HSPG2: variants seen among roughly 807,000 people sequenced by gnomAD.
HSPG2 encodes heparan sulfate proteoglycan 2.
Under a neutral mutation model 526.6 loss-of-function variants are expected in HSPG2, and 278 were observed. The ratio of observed to expected loss-of-function variants is 0.53; its 90% CI spans 0.48 to 0.58. The LOEUF (loss-of-function observed/expected upper bound fraction) is 0.58, where lower values mean the gene tolerates loss of function less well. Ranked by LOEUF, HSPG2 falls within the 20% of genes least tolerant of loss-of-function variation. The probability of loss-of-function intolerance (pLI) is 0.00; values close to 1 mark genes in which losing one functional copy is unlikely to be tolerated. For synonymous variants in HSPG2, 2,465 were observed against 2,555.4 expected, an observed-to-expected ratio of 0.96 and a Z score of 1.07; for missense variants, 5,354 against 6,099.5, an observed-to-expected ratio of 0.88 and a Z score of 4.07.
chr1:21,831,741 C>T lies in HSPG2; in HGVS notation c.11263G>A (p.Gly3755Ser), dbSNP rs1304220249. ...TIRHPTPLAL[G>S]HFHTVTLLRS... The stretch of plus-strand genomic sequence containing the variant: ...AGCAGGGTCACGGTGTGGAAATGGC[C>T]CAGGGCCAGTGGTGTGGGATGGCGG... Residue 3755 changes from glycine (G) to serine (S), a missense_variant, in exon 82 of 97, where the codon GGC becomes AGC. By Grantham distance (56) the Gly-to-Ser change is moderately conservative. Coordinates refer to ENST00000374695, the MANE Select transcript of HSPG2 (RefSeq NM_005529.7). The T allele has an allele frequency of 6.2e-7, 1 of 1,606,384 alleles. No homozygotes were observed. The highest frequency in any genetic ancestry group is 1.1e-5 in the South Asian group (1 of 90,174).
At chr1:21,834,040 C>G (rs1408147488) in intron 77 of HSPG2, 115 bp from the exon 78 acceptor site, 2 of 767,280 alleles carry the variant, frequency 2.6e-6, no homozygotes, top group African/African-American at 3.4e-5. Context: ...CCACTACATT[C>G]CATTTCACAG....
At position 21,823,706 on chromosome 1, in the gene HSPG2, C is replaced by T. The variant is rs1250006658; in HGVS notation, c.12913G>A (p.Gly4305Ser). The change falls in exon 96 of 97, where the codon GGT (glycine) becomes AGT (serine). Residue 4305 changes from glycine to serine, a missense_variant. Coordinates refer to ENST00000374695, the MANE Select transcript of HSPG2 (RefSeq NM_005529.7). The part of the protein sequence containing the change: ...RVTALREGRR[G>S]SIQVDGEELV... ...TCCTCACCGTCGACTTGGATGGAAC[C>T]TCTGCGGCCCTCCCTGCAGTGGAAC... 9.9e-6 allele frequency: 16 copies of T among 1,613,478 alleles called. No individual in the cohort carries two copies. The highest frequency in any genetic ancestry group is 6.7e-5 in the East Asian group (3 of 44,888).
At chr1:21,854,115 C>A in intron 50 of HSPG2, 78 bp downstream of exon 50, 1 of 1,451,598 alleles carries the variant, frequency 6.9e-7, no homozygotes, top group Non-Finnish European at 9.3e-7. Flanking sequence ...CTGTCCTGGT[C>A]CCACTGAAGA....
In HSPG2 at chr1:21,854,222, C is replaced by T. The variant is rs1484383554; in HGVS notation, c.6410G>A (p.Gly2137Asp). 6.3e-7 allele frequency: 1 copy of T among 1,594,824 alleles called. No homozygotes were observed. The highest frequency in any genetic ancestry group is 1.7e-5 in the Admixed American group (1 of 57,970). The change falls in exon 50 of 97, where the codon GGC becomes GAC. Residue 2137 changes from glycine to aspartate, a missense_variant. Transcript: ENST00000374695. ...EASITVSVLH[G>D]THSGPSYTPV... Reference sequence around the variant, plus strand: ...GGTGTAGCTGGGGCCAGAATGGGTGCCGTGGAGCACAGACACAGTAATGGA... The same window carrying T: ...GGTGTAGCTGGGGCCAGAATGGGTGTCGTGGAGCACAGACACAGTAATGGA...
In HSPG2 at chr1:21,880,104, C is replaced by T. The variant is rs755043449; in HGVS notation, c.2343+3G>A. 2.5e-5 allele frequency: 41 copies of T among 1,614,026 alleles called. No homozygotes were observed. The highest frequency in any genetic ancestry group is 3.4e-5 in the Non-Finnish European group (40 of 1,180,050). On this transcript the variant is annotated splice_donor_region_variant and intron_variant, in intron 17 of 96. Transcript: ENST00000374695. ...TGTTCAAGTGTCTGCTGGCACTACTCACCAGGCAGTGGCCATACACAGGGT... is the reference window on the plus strand; with the variant it reads ...TGTTCAAGTGTCTGCTGGCACTACTTACCAGGCAGTGGCCATACACAGGGT...
rs371799737 is a variant in HSPG2 at position 21,855,895 on chromosome 1, C to T, written c.5593G>A (p.Ala1865Thr). The T allele has an allele frequency of 5.2e-5, 83 of 1,610,622 alleles. No homozygotes were observed. The highest frequency in any genetic ancestry group is 6.2e-5 in the Non-Finnish European group (73 of 1,179,970). The change falls in exon 45 of 97, where the codon GCC (alanine) becomes ACC (threonine). Residue 1865 changes from alanine (A) to threonine (T), a missense_variant. Ala to Thr is a moderately conservative substitution (Grantham distance 58, BLOSUM62 0). Coordinates refer to ENST00000374695, the MANE Select transcript of HSPG2 (RefSeq NM_005529.7). The stretch of plus-strand genomic sequence containing the variant: ...GGCGGATGGATGGAGACCACGGGGG[C>T]GGACAAGGTGCCCGAGGCTGACAAG... Reference protein sequence around the residue: ...LHVQASGTLSAPVVSIHPPQL... With the variant: ...LHVQASGTLSTPVVSIHPPQL...
In HSPG2 at chr1:21,824,360, C is replaced by G; in HGVS notation, c.12761G>C (p.Gly4254Ala). ...LWQGVEVGEAGQGKDFISLGL... is the reference protein window; with the variant it reads ...LWQGVEVGEAAQGKDFISLGL... Reference sequence around the variant, plus strand: ...GAGGCTGATGAAGTCCTTGCCTTGGCCGGCCTCTCCCACCTCCTGCCAGGG... The same window carrying G: ...GAGGCTGATGAAGTCCTTGCCTTGGGCGGCCTCTCCCACCTCCTGCCAGGG... The change falls in exon 94 of 97, where the codon GGC becomes GCC. Residue 4254 changes from glycine to alanine, a missense_variant. Coordinates refer to ENST00000374695, the MANE Select transcript of HSPG2 (RefSeq NM_005529.7). The surrounding 1 kb of genome is among the most constrained non-coding windows in gnomAD (Gnocchi z 5.9). 6.2e-7 allele frequency: 1 copy of G among 1,613,856 alleles called. No homozygotes were observed. Among genetic ancestry groups the G allele is most frequent in the Non-Finnish European group, 8.5e-7 (1 of 1,180,008 alleles).
intron 91 of HSPG2, among the ~76,000 whole-genome samples, chr1:21,826,754 C>T (rs2097976802): frequency 6.6e-6 from 1 of 152,136 alleles, no homozygotes; most frequent in Admixed American, 6.5e-5. Flanking sequence ...GGTGATCTGC[C>T]CGCTTCAGCT....
Position 21,847,843 on chromosome 1 carries a change from G to A in HSPG2, c.7874-3C>T. On this transcript the variant is annotated splice_region_variant and splice_polypyrimidine_tract_variant and intron_variant, in intron 60 of 96. Coordinates refer to ENST00000374695, the MANE Select transcript of HSPG2 (RefSeq NM_005529.7). This position sits in a 1 kb window ranked among gnomAD's most constrained non-coding sequence, Gnocchi z 4.1. ...GATCGGTGGGGAGACGCTGGGCACT[G>A]GGGACAGACGGGTGTGGACCACGCA... 1 of 1,613,870 alleles carries A rather than the reference G, an allele frequency of 6.2e-7. No individual in the cohort carries two copies. Among genetic ancestry groups the A allele is most frequent in the Non-Finnish European group, 8.5e-7 (1 of 1,180,014 alleles).
At chr1:21,844,975 C>A (rs1007766973) in intron 64 of HSPG2, among the ~76,000 whole-genome samples, 2 of 152,290 alleles carry the variant, frequency 1.3e-5, no homozygotes, top group East Asian at 3.9e-4. Context: ...ACACTGGGCG[C>A]GGTGGCTCAC....
rs767850246 is a variant in HSPG2, at chr1:21,854,950, G to A, written c.6031C>T (p.Leu2011Phe). The A allele has an allele frequency of 4.3e-6, 7 of 1,613,874 alleles. No individual in the cohort carries two copies. In the South Asian group the frequency reaches 7.7e-5, roughly 18 times the overall value. ...RSERTDIATL[L>F]IPAITTADAG... Reference sequence around the variant, plus strand: ...TCAGCAGTCGTGATGGCTGGGATGAGCAGTGTCGCGATGTCTGTGCGCTCT... The same window carrying A: ...TCAGCAGTCGTGATGGCTGGGATGAACAGTGTCGCGATGTCTGTGCGCTCT... The change falls in exon 48 of 97, where the codon CTC (leucine) becomes TTC (phenylalanine). Residue 2011 changes from leucine (L) to phenylalanine (F), a missense_variant. Physicochemically the swap from Leu to Phe is conservative, Grantham distance 22. Coordinates refer to ENST00000374695, the MANE Select transcript of HSPG2 (RefSeq NM_005529.7).
intron 1 of HSPG2, among the ~76,000 whole-genome samples, chr1:21,912,002 A>G (rs1643708348): frequency 6.6e-6 from 1 of 152,220 alleles, no homozygotes; most frequent in South Asian, 2.1e-4. Flanking sequence ...GCAGCCTGGG[A>G]GGTGAAGTTT....
chr1:21,875,327 T>G (rs1640966229), intron 25 of HSPG2: 3 of 594,994 alleles, frequency 5.0e-6, no homozygotes, highest in Non-Finnish European at 9.0e-6. Flanking sequence ...CAGAGCTCCC[T>G]GTGGGCTGAG....
intron 33 of HSPG2, chr1:21,870,109 C>T (rs371769316): frequency 2.8e-6 from 1 of 355,356 alleles, no homozygotes; most frequent in Non-Finnish European, 3.9e-6. Context: ...GGGAAATGGC[C>T]CAGGAAAGCT....
chr1:21,865,123 C>A lies in HSPG2; in HGVS notation c.4396-50G>T. 1.3e-6 allele frequency: 2 copies of A among 1,540,240 alleles called. No homozygotes were observed. Among genetic ancestry groups the A allele is most frequent in the Non-Finnish European group, 1.8e-6 (2 of 1,128,226 alleles). The stretch of plus-strand genomic sequence containing the variant: ...CGGGGGCAGTGGGCTTTGTGGGCTG[C>A]TCCTACAGTTACCACCCCCCAAATC... On this transcript the variant is annotated intron_variant, in intron 35 of 96. Coordinates refer to ENST00000374695, the MANE Select transcript of HSPG2 (RefSeq NM_005529.7). The surrounding 1 kb of genome is among the most constrained non-coding windows in gnomAD (Gnocchi z 5.4).
At chr1:21,910,547 T>C (rs1225551029) in intron 1 of HSPG2, among the ~76,000 whole-genome samples, 2 of 152,152 alleles carry the variant, frequency 1.3e-5, no homozygotes, top group Admixed American at 6.5e-5. Context: ...GAGGCTTCCA[T>C]GGTTAGGATG....
chr1:21,851,867 G>C lies in HSPG2; in HGVS notation c.6930C>G (p.Val2310=). The C allele has an allele frequency of 6.2e-7, 1 of 1,613,200 alleles. No individual in the cohort carries two copies. Among genetic ancestry groups the C allele is most frequent in the East Asian group, 2.2e-5 (1 of 44,888 alleles). ...QASPADAGQY[V]CRASNGMEAS... is the part of the protein sequence containing the mutation. ...CCTCCATGCCGTTGCTGGCCCGGCA[G>C]ACGTACTGTCCCGCATCGGCAGGTG... The change falls in exon 54 of 97, where the codon GTC becomes GTG. Residue 2310 remains valine, a synonymous_variant. Transcript: ENST00000374695.
chr1:21,830,863 C>A, intron 85 of HSPG2, 119 bp downstream of exon 85: 1 of 691,082 alleles, frequency 1.4e-6, no homozygotes, highest in South Asian at 1.7e-5. Flanking sequence ...GGAGAGTGCT[C>A]AGGTGAGAGT....
Position 21,834,641 on chromosome 1 carries a change from C to G in HSPG2, c.10720+38G>C, listed in dbSNP as rs748446106. The G allele has an allele frequency of 3.1e-6, 5 of 1,612,352 alleles. No homozygotes were observed. The South Asian group carries it at 5.5e-5, about 18-fold the overall frequency. On this transcript the variant is annotated intron_variant, in intron 77 of 96. Coordinates refer to ENST00000374695, the MANE Select transcript of HSPG2 (RefSeq NM_005529.7). ...GGCAGCAGGAGAAGCCCCTGCCCCA[C>G]TCACTGTCCCCCAACAAAAGTCCCC... is the stretch of plus-strand genomic sequence containing the variant.
Sources: gnomAD v4.1 joint callset for allele counts (sites outside exome capture counted in the v4.1 genomes callset) on GRCh38, gnomAD v4.1.1 for gene constraint, Gnocchi (gnomAD v3.1) non-coding constraint, MANE v1.5 for transcripts, NCBI Gene and HGNC (gene_info 2026-07-23, HGNC 2026-07-21) for gene names.